COL5A2: variants seen among roughly 807,000 people sequenced by gnomAD.
COL5A2 encodes collagen alpha-2(V) chain.
In COL5A2, 23 loss-of-function variants were observed where a neutral mutation model predicts 208.2. The observed-to-expected ratio is 0.11, with a 90% CI of 0.08 to 0.16. The LOEUF is 0.16. Ranked by LOEUF, COL5A2 falls within the 10% of genes least tolerant of loss-of-function variation. The pLI is 1.00. For missense variants in COL5A2, 1,590 were observed against 1,956.4 expected (o/e 0.81, Z 3.53); for synonymous variants, 625 against 628.5 (o/e 0.99, Z 0.08).
chr2:189,168,787 C>G (rs1368868492), intron 1 of COL5A2, among the ~76,000 whole-genome samples: 1 of 152,164 alleles, frequency 6.6e-6, no homozygotes, highest in Non-Finnish European at 1.5e-5. Context: ...TAAAGAATTT[C>G]ATAGCTACAA....
chr2:189,221,163 G>A (rs1185777460), intron 1 of COL5A2, among the ~76,000 whole-genome samples: 1 of 152,100 alleles, frequency 6.6e-6, no homozygotes, highest in East Asian at 1.9e-4. Flanking sequence ...GATCTCAACA[G>A]AAATCGAAAT....
the COL5A2 span, among the ~76,000 whole-genome samples, chr2:189,239,744 A>G: frequency 4.6e-5 from 7 of 152,034 alleles, no homozygotes; most frequent in African/African-American, 1.7e-4. Flanking sequence ...CATTGTGCAC[A>G]TGTACCCTAA....
the COL5A2 span, among the ~76,000 whole-genome samples, chr2:189,252,193 A>C: frequency 0.14 from 21,539 of 152,214 alleles, 1,937 homozygotes; most frequent in South Asian, 0.2. Context: ...CCATTGTGGA[A>C]GACAGTGTGG....
the COL5A2 span, among the ~76,000 whole-genome samples, chr2:189,348,369 A>G: frequency 6.6e-6 from 1 of 152,214 alleles, no homozygotes; most frequent in East Asian, 1.9e-4. Context: ...ATGGCAAATT[A>G]TATGAATCTC....
At chr2:189,243,043 C>T in the COL5A2 span, among the ~76,000 whole-genome samples, 4,944 of 152,180 alleles carry the variant, frequency 0.032, 86 homozygotes, top group Admixed American at 0.047. Flanking sequence ...AACAGTGAGC[C>T]TCTGAATGGA....
chr2:189,181,291 C>T (rs1688776065), upstream of COL5A2, among the ~76,000 whole-genome samples: 1 of 152,056 alleles, frequency 6.6e-6, no homozygotes, highest in Admixed American at 6.6e-5. Flanking sequence ...TAACCCTGTA[C>T]CTCTCAGTTT....
At position 189,044,883 on chromosome 2, in the gene COL5A2, T is replaced by C. The variant is rs1381395032; in HGVS notation, c.3363+296A>G. Among the ~76,000 whole-genome samples the C allele has an allele frequency of 5.3e-5, 8 of 152,280 alleles. No homozygotes were observed. The East Asian group carries it at 9.6e-4, about 18-fold the overall frequency. On this transcript the variant is annotated intron_variant, in intron 47 of 53. Coordinates refer to ENST00000374866, the MANE Select transcript of COL5A2 (RefSeq NM_000393.5). ...CCATTTTCCTATGTAGTTTTTAGAATAGCTCAGAGAGAAATGCACTATAAT... is the reference window on the plus strand; with the variant it reads ...CCATTTTCCTATGTAGTTTTTAGAACAGCTCAGAGAGAAATGCACTATAAT...
At chr2:189,399,572 A>AT in the COL5A2 span, among the ~76,000 whole-genome samples, 4 of 152,034 alleles carry the variant, frequency 2.6e-5, no homozygotes, top group Non-Finnish European at 5.9e-5. Flanking sequence ...TGAAGGATAT[A>AT]TTTTTTAGAA....
intron 1 of COL5A2, among the ~76,000 whole-genome samples, chr2:189,224,068 G>A (rs1185566516): frequency 6.6e-6 from 1 of 152,060 alleles, no homozygotes; most frequent in African/African-American, 2.4e-5. Flanking sequence ...GAGGGGTGGT[G>A]CCAAAGGAAG....
intron 1 of COL5A2, among the ~76,000 whole-genome samples, chr2:189,190,115 G>T (rs183991937): frequency 6.6e-6 from 1 of 152,198 alleles, no homozygotes; most frequent in East Asian, 1.9e-4. Flanking sequence ...TACAAAAAAG[G>T]GGGGGTCATT....
intron 12 of COL5A2, among the ~76,000 whole-genome samples, chr2:189,082,194 T>C (rs1686548851): frequency 1.3e-5 from 2 of 152,232 alleles, no homozygotes; most frequent in Non-Finnish European, 2.9e-5. Context: ...CCTTCTGCTC[T>C]GCAAATCATA....
the COL5A2 span, among the ~76,000 whole-genome samples, chr2:189,304,526 G>A: frequency 1.3e-5 from 2 of 152,152 alleles, no homozygotes; most frequent in Admixed American, 6.5e-5. Context: ...GAGAGAGCAG[G>A]CACATCACAT....
the COL5A2 span, among the ~76,000 whole-genome samples, chr2:189,277,782 C>G: frequency 1.1e-3 from 160 of 152,130 alleles, no homozygotes; most frequent in African/African-American, 2.7e-3. Context: ...ATTGTCAATG[C>G]CTCTATGTAT....
chr2:189,130,020 T>C (rs1473376477), intron 1 of COL5A2, among the ~76,000 whole-genome samples: 1 of 152,086 alleles, frequency 6.6e-6, no homozygotes, highest in East Asian at 1.9e-4. Context: ...TCTTTTTCCC[T>C]CCTTATATTC....
intron 1 of COL5A2, among the ~76,000 whole-genome samples, chr2:189,205,370 T>G (rs1051427903): frequency 2.6e-5 from 4 of 152,222 alleles, no homozygotes; most frequent in Non-Finnish European, 4.4e-5. Flanking sequence ...GACCCAGTGC[T>G]GGTGAGTAGC....
At chr2:189,271,797 T>C in the COL5A2 span, among the ~76,000 whole-genome samples, 1 of 152,092 alleles carries the variant, frequency 6.6e-6, no homozygotes, top group African/African-American at 2.4e-5. Context: ...TACAAGGAAC[T>C]TAAACAAATT....
intron 1 of COL5A2, among the ~76,000 whole-genome samples, chr2:189,170,852 ATAAT>A (rs1160701729): frequency 2.0e-5 from 3 of 152,098 alleles, no homozygotes; most frequent in South Asian, 2.1e-4. Flanking sequence ...AATTATATTA[ATAAT>A]TAATAAATAA....
chr2:189,372,614 A>G, the COL5A2 span, among the ~76,000 whole-genome samples: 1 of 152,298 alleles, frequency 6.6e-6, no homozygotes, highest in African/African-American at 2.4e-5. Flanking sequence ...AAAGCTATAA[A>G]TGGTAACATT....
intron 1 of COL5A2, among the ~76,000 whole-genome samples, chr2:189,209,368 C>T (rs983695078): frequency 4.6e-5 from 7 of 152,042 alleles, no homozygotes; most frequent in East Asian, 1.9e-4. Context: ...AGTGGCTATC[C>T]GAGTGAAGAT....
Sources: allele counts gnomAD v4.1 joint callset (sites outside exome capture counted in the v4.1 genomes callset), GRCh38; gene constraint gnomAD v4.1.1; transcripts MANE v1.5; gene names NCBI Gene and HGNC (gene_info 2026-07-23, HGNC 2026-07-21).